Variants in ADAM18 observed in about 807,000 individuals in gnomAD.
ADAM18 encodes the protein ADAM metallopeptidase domain 18.
Under a neutral mutation model 94.4 loss-of-function variants are expected in ADAM18, and 117 were observed. That is an observed-to-expected ratio of 1.24 (90% confidence interval 1.07 to 1.45). The LOEUF is 1.45. Ranked by LOEUF, ADAM18 falls within the 40% of genes most tolerant of loss-of-function variation. ADAM18 has a pLI of 0.00. For missense variants in ADAM18, 936 were observed against 880.0 expected (o/e 1.06, Z -0.81); for synonymous variants, 327 against 291.6 (o/e 1.12, Z -1.24).
At chr8:39,717,797 C>G (rs914989725) in intron 18 of ADAM18, among the ~76,000 whole-genome samples, 8 of 151,378 alleles carry the variant, frequency 5.3e-5, no homozygotes, top group African/African-American at 1.5e-4. Context: ...AAAATATTTG[C>G]AAACCATGTA....
intron 7 of ADAM18, among the ~76,000 whole-genome samples, chr8:39,631,515 G>A (rs1331448378): frequency 1.3e-5 from 2 of 151,886 alleles, no homozygotes; most frequent in Admixed American, 6.6e-5. Context: ...CTATTCCTTA[G>A]GTTGCTGTTC....
At chr8:39,723,431 T>C (rs944521668) in intron 18 of ADAM18, among the ~76,000 whole-genome samples, 2 of 151,622 alleles carry the variant, frequency 1.3e-5, no homozygotes, top group African/African-American at 4.8e-5. Flanking sequence ...TCTCAAAGTA[T>C]ACATTTTTTA....
chr8:39,677,730 CA>C (rs1433104491), intron 15 of ADAM18, among the ~76,000 whole-genome samples, 194 bp downstream of exon 15: 2 of 151,598 alleles, frequency 1.3e-5, no homozygotes, highest in East Asian at 3.9e-4. Flanking sequence ...TGAGATTGGA[CA>C]AAAAAAGGCT....
intron 6 of ADAM18, among the ~76,000 whole-genome samples, chr8:39,615,829 C>G (rs1819422956): frequency 6.6e-6 from 1 of 152,108 alleles, no homozygotes; most frequent in Admixed American, 6.6e-5. Flanking sequence ...TGCCCAAAGG[C>G]TCTTAGATGT....
chr8:39,604,736 G>A (rs182274810), intron 2 of ADAM18: 3 of 152,238 alleles, frequency 2.0e-5, no homozygotes, highest in South Asian at 2.1e-4. Context: ...CCTGCAGAAC[G>A]GTGAGCCAAC....
intron 3 of ADAM18, among the ~76,000 whole-genome samples, chr8:39,606,619 C>T (rs11782020): frequency 0.13 from 19,829 of 151,994 alleles, 1,381 homozygotes; most frequent in South Asian, 0.25. Flanking sequence ...TGCATATAAG[C>T]CGTTGAACCC....
intron 10 of ADAM18, among the ~76,000 whole-genome samples, chr8:39,640,155 A>G (rs767857662): frequency 1.1e-4 from 17 of 151,888 alleles, no homozygotes; most frequent in Non-Finnish European, 1.9e-4. Flanking sequence ...TCCTTTAGCT[A>G]TTCTTCCTGA....
intron 17 of ADAM18, among the ~76,000 whole-genome samples, chr8:39,705,143 T>C (rs1406560173): frequency 3.3e-5 from 5 of 152,166 alleles, no homozygotes; most frequent in African/African-American, 9.7e-5. Context: ...GGGAAGAGTC[T>C]GATGCTATAT....
At chr8:39,654,137 C>T (rs553578686) in intron 12 of ADAM18, among the ~76,000 whole-genome samples, 11 of 145,394 alleles carry the variant, frequency 7.6e-5, no homozygotes, top group Non-Finnish European at 1.6e-4. Context: ...GTTGCTGCCA[C>T]TGACAGGATT....
chr8:39,585,215 T>C (rs1280707906), intron 1 of ADAM18, 61 bp from the exon 2 acceptor site: 6 of 1,399,942 alleles, frequency 4.3e-6, no homozygotes, highest in Non-Finnish European at 6.1e-6. Context: ...GAACCCGTGC[T>C]TGACTGAGAC....
chr8:39,596,132 T>A (rs1818734994), intron 2 of ADAM18, among the ~76,000 whole-genome samples: 1 of 152,216 alleles, frequency 6.6e-6, no homozygotes, highest in African/African-American at 2.4e-5. Flanking sequence ...CTTATGGATG[T>A]GCGGCCTCGC....
intron 6 of ADAM18, among the ~76,000 whole-genome samples, chr8:39,622,235 C>T (rs1488720364): frequency 1.3e-5 from 2 of 150,600 alleles, no homozygotes; most frequent in African/African-American, 4.9e-5. Flanking sequence ...ATTATATTCT[C>T]ATTGATTAAA....
intron 6 of ADAM18, 72 bp downstream of exon 6, chr8:39,610,778 G>T: frequency 1.3e-6 from 2 of 1,504,050 alleles, no homozygotes; most frequent in Admixed American, 2.2e-5. Context: ...AATCATGAAA[G>T]GAATTTAGTT....
chr8:39,620,302 T>C (rs544207547), intron 6 of ADAM18, among the ~76,000 whole-genome samples: 1 of 134,424 alleles, frequency 7.4e-6, no homozygotes, highest in African/African-American at 2.8e-5. Flanking sequence ...CTATATGACA[T>C]AGGTCTGAGC....
At chr8:39,594,029 T>C (rs979480643) in intron 2 of ADAM18, among the ~76,000 whole-genome samples, 1 of 152,152 alleles carries the variant, frequency 6.6e-6, no homozygotes, top group African/African-American at 2.4e-5. Flanking sequence ...TACCAAGTAA[T>C]TTTTTGTTTT....
chr8:39,614,847 T>C (rs1819390560), intron 6 of ADAM18, among the ~76,000 whole-genome samples: 1 of 151,994 alleles, frequency 6.6e-6, no homozygotes, highest in African/African-American at 2.4e-5. Flanking sequence ...CCAACAACAA[T>C]AAAAATGGAC....
At chr8:39,659,462 A>C (rs1820773090) in intron 12 of ADAM18, among the ~76,000 whole-genome samples, 1 of 152,144 alleles carries the variant, frequency 6.6e-6, no homozygotes, top group African/African-American at 2.4e-5. Flanking sequence ...ACAGTATATA[A>C]GCAATAGCAA....
intron 12 of ADAM18, among the ~76,000 whole-genome samples, chr8:39,657,700 A>G (rs1820726403): frequency 6.6e-6 from 1 of 152,220 alleles, no homozygotes; most frequent in South Asian, 2.1e-4. Flanking sequence ...AATCTCTTCT[A>G]GAAGTGTATT....
chr8:39,688,403 G>A (rs1041153183), intron 16 of ADAM18, among the ~76,000 whole-genome samples: 1 of 151,988 alleles, frequency 6.6e-6, no homozygotes, highest in Non-Finnish European at 1.5e-5. Context: ...CCCTACCAAA[G>A]ACCCCACTGT....
Sources: gnomAD v4.1 joint callset for allele counts (sites outside exome capture counted in the v4.1 genomes callset) on GRCh38, gnomAD v4.1.1 for gene constraint, MANE v1.5 for transcripts, NCBI Gene and HGNC (gene_info 2026-07-23, HGNC 2026-07-21) for gene names.